TNS3: variants seen among roughly 807,000 people sequenced by gnomAD.
TNS3 encodes tensin 3, also known as tensin-3.
Under a neutral mutation model 140.9 loss-of-function variants are expected in TNS3, and 45 were observed. The observed-to-expected ratio is 0.32, with a 90% confidence interval of 0.25 to 0.41. The LOEUF (loss-of-function observed/expected upper bound fraction) is 0.41, where lower values mean the gene tolerates loss of function less well. TNS3 is among the 10% of genes least tolerant of loss of function. TNS3 has a pLI of 1.00. For missense variants in TNS3, 1,716 were observed against 1,906.7 expected (o/e 0.90, Z 1.86); for synonymous variants, 815 against 788.4 (o/e 1.03, Z -0.56).
At chr7:47,532,822 G>T (rs1377410456) in intron 1 of TNS3, among the ~76,000 whole-genome samples, 3 of 151,970 alleles carry the variant, frequency 2.0e-5, no homozygotes, top group African/African-American at 7.3e-5. Context: ...TCACTTGAAG[G>T]TAGCCTGTGA....
At chr7:47,278,265 T>C in intron 30 of TNS3, 45 bp from the exon 31 acceptor site, 1 of 1,579,558 alleles carries the variant, frequency 6.3e-7, no homozygotes, top group Non-Finnish European at 8.6e-7. Context: ...TCCCACAAAG[T>C]ACCAAGCTTC....
At chr7:47,556,774 C>A (rs965846131) in intron 1 of TNS3, among the ~76,000 whole-genome samples, 1 of 152,210 alleles carries the variant, frequency 6.6e-6, no homozygotes, top group Non-Finnish European at 1.5e-5. Context: ...AGACGCTGCC[C>A]GCTCTCACTG....
rs1439610981 is a variant in TNS3 at position 47,582,078 on chromosome 7, A to C, written c.-292T>G. 2.0e-5 allele frequency: 3 copies of C among 152,050 alleles called. No individual in the cohort carries two copies. The highest frequency in any genetic ancestry group is 2.0e-4 in the Admixed American group (3 of 15,272). The allele number at this position is 152,050 out of a possible 1,614,324, so 9.4% of individuals were successfully genotyped here. ...GGGGGAGCCTGAGGCGCGGTCCGGC[A>C]GGGCGATGGCCGCAACGAGGCTGGG... On this transcript the variant is annotated 5_prime_UTR_variant, in exon 1 of 31. Coordinates refer to ENST00000311160, the MANE Select transcript of TNS3 (RefSeq NM_022748.12).
intron 13 of TNS3, among the ~76,000 whole-genome samples, chr7:47,410,084 G>C (rs1443374922): frequency 1.3e-5 from 2 of 152,182 alleles, no homozygotes; most frequent in Non-Finnish European, 2.9e-5. Context: ...AAGTGTCCTG[G>C]GAGAAGGAGC....
intron 16 of TNS3, among the ~76,000 whole-genome samples, chr7:47,389,734 A>G (rs949267596): frequency 1.2e-4 from 18 of 152,206 alleles, no homozygotes; most frequent in African/African-American, 3.4e-4. Context: ...CCACTCTCTC[A>G]GGTGACATTG....
intron 23 of TNS3, among the ~76,000 whole-genome samples, chr7:47,300,495 A>G (rs1226719694): frequency 6.6e-6 from 1 of 152,152 alleles, no homozygotes; most frequent in Non-Finnish European, 1.5e-5. Flanking sequence ...TACCTTCCAC[A>G]TGGCACTGCT....
At chr7:47,532,015 C>A (rs1799423526) in intron 1 of TNS3, among the ~76,000 whole-genome samples, 1 of 152,308 alleles carries the variant, frequency 6.6e-6, no homozygotes, top group African/African-American at 2.4e-5. Flanking sequence ...CCCTCCCAGG[C>A]ACAGCACCCA....
intron 10 of TNS3, 97 bp from the exon 11 acceptor site, chr7:47,415,303 G>A: frequency 2.4e-6 from 2 of 818,252 alleles, no homozygotes; most frequent in Non-Finnish European, 3.8e-6. Flanking sequence ...TGAGTCTGGG[G>A]CTCTGGGAGA....
rs544008871 is a variant in TNS3, at chr7:47,527,540, G to A, written c.-153+1496C>T. Reference sequence around the variant, plus strand: ...TTGGCTGACATGGCCCTCCTGAACTGGACAAGCTATGCAGGGGAATGGCCA... The same window carrying A: ...TTGGCTGACATGGCCCTCCTGAACTAGACAAGCTATGCAGGGGAATGGCCA... On this transcript the variant is annotated intron_variant, in intron 2 of 30. Transcript: ENST00000311160. Among the ~76,000 whole-genome samples, 3 of 152,312 alleles carry A rather than the reference G, an allele frequency of 2.0e-5. No homozygotes were observed. The South Asian group carries it at 6.2e-4, about 32-fold the overall frequency.
At chr7:47,571,449 G>C (rs1800553383) in intron 1 of TNS3, among the ~76,000 whole-genome samples, 2 of 152,230 alleles carry the variant, frequency 1.3e-5, no homozygotes, top group Non-Finnish European at 2.9e-5. Context: ...CCCACGCTGG[G>C]GACTTCCTCT....
chr7:47,359,445 G>A (rs1023109737), intron 17 of TNS3, among the ~76,000 whole-genome samples: 4 of 152,146 alleles, frequency 2.6e-5, no homozygotes, highest in South Asian at 2.1e-4. Context: ...TTGGGATGAC[G>A]ACAAATTTCT....
At chr7:47,428,546 G>A (rs1356835529) in intron 8 of TNS3, among the ~76,000 whole-genome samples, 170 bp from the exon 9 acceptor site, 1 of 152,176 alleles carries the variant, frequency 6.6e-6, no homozygotes, top group East Asian at 1.9e-4. Flanking sequence ...CAGTGCAACT[G>A]GAGTCTCTGC....
intron 3 of TNS3, chr7:47,481,554 A>G (rs1453245757): frequency 1.5e-6 from 1 of 656,502 alleles, no homozygotes; most frequent in African/African-American, 2.0e-5. Context: ...CACTCCTCCC[A>G]TCCTCACCCA....
rs1475983886 is a variant in TNS3, at chr7:47,562,383, GC to G, written c.-265+19667del. ...GTCACACCCTTCAGTCTCATCTGCTGCCTTTTTTTTTTTTTTTTCCCATATG... is the reference window on the plus strand; with the variant it reads ...GTCACACCCTTCAGTCTCATCTGCTGCTTTTTTTTTTTTTTTTCCCATATG... On this transcript the variant is annotated intron_variant, in intron 1 of 30. Transcript: ENST00000311160. Among the ~76,000 whole-genome samples, 382 of 81,046 alleles carry G rather than the reference GC, an allele frequency of 4.7e-3. 1 individual carries two copies. Among genetic ancestry groups the G allele is most frequent in the African/African-American group, 0.017 (363 of 21,862 alleles). The allele number at this position is 81,046 out of a possible 152,430, so 53.2% of individuals were successfully genotyped here. A position where few individuals can be genotyped will look rare whatever the true frequency, so the allele number is the denominator to read the frequency against.
intron 4 of TNS3, among the ~76,000 whole-genome samples, chr7:47,476,920 T>C (rs1357892092): frequency 1.3e-5 from 2 of 152,214 alleles, no homozygotes; most frequent in Admixed American, 6.5e-5. Context: ...CATCCCACTT[T>C]TGTAAGCTGC....
rs181832898 is a variant in TNS3 at position 47,481,990 on chromosome 7, G to T, written c.-114-849C>A. 5.3e-5 allele frequency among the ~76,000 whole-genome samples: 8 copies of T among 152,366 alleles called. No individual in the cohort carries two copies. The East Asian group carries it at 1.5e-3, about 29-fold the overall frequency. On this transcript the variant is annotated intron_variant, in intron 3 of 30. Coordinates refer to ENST00000311160, the MANE Select transcript of TNS3 (RefSeq NM_022748.12). Reference sequence around the variant, plus strand: ...TAAGAGATGGCGCGTGAGGAGCTCAGAAGAGTGGCACAGGGCAGGGGCTAA... The same window carrying T: ...TAAGAGATGGCGCGTGAGGAGCTCATAAGAGTGGCACAGGGCAGGGGCTAA...
intron 3 of TNS3, among the ~76,000 whole-genome samples, chr7:47,497,592 A>G (rs1798058112): frequency 6.6e-6 from 1 of 151,102 alleles, no homozygotes; most frequent in Non-Finnish European, 1.5e-5. Flanking sequence ...TCCATTTTGT[A>G]CTTCTGTTCT....
intron 1 of TNS3, among the ~76,000 whole-genome samples, chr7:47,570,333 G>A (rs1413771823): frequency 2.0e-5 from 3 of 152,220 alleles, no homozygotes; most frequent in Non-Finnish European, 2.9e-5. Context: ...ATATTCTTTT[G>A]TGCTGAAGTC....
intron 30 of TNS3, chr7:47,278,836 T>C (rs1037540521): frequency 6.6e-6 from 1 of 152,360 alleles, no homozygotes; most frequent in Admixed American, 6.5e-5. Context: ...ATTATCTTAA[T>C]AGGCTTTTAT....
Sources: allele counts gnomAD v4.1 joint callset (sites outside exome capture counted in the v4.1 genomes callset), GRCh38; gene constraint gnomAD v4.1.1; transcripts MANE v1.5; gene names NCBI Gene and HGNC (gene_info 2026-07-23, HGNC 2026-07-21).